Variants in SPG11 observed in about 807,000 individuals in gnomAD.
SPG11 encodes the protein SPG11 vesicle trafficking associated, spatacsin.
A neutral mutation model predicts 274.0 loss-of-function variants in SPG11; 222 were observed. The observed-to-expected ratio is 0.81, with a 90% CI of 0.73 to 0.91. The LOEUF (loss-of-function observed/expected upper bound fraction) is 0.91. Among genes scored for constraint, SPG11 ranks in the 40% least tolerant of loss-of-function variants. The probability of loss-of-function intolerance (pLI) is 0.00; values close to 1 mark genes in which losing one functional copy is unlikely to be tolerated. For missense variants in SPG11, 3,114 were observed against 2,872.7 expected (o/e 1.08, Z -1.92); for synonymous variants, 1,144 against 1,039.7 (o/e 1.10, Z -1.93).
rs754823348 is a variant in SPG11 at position 44,662,009 on chromosome 15, TCTTAC to T, written c.257+1377_257+1381del. Among the ~76,000 whole-genome samples the T allele has an allele frequency of 1.3e-3, 197 of 152,310 alleles. 1 individual carries two copies. The highest frequency in any genetic ancestry group is 3.4e-3 in the Middle Eastern group (1 of 294). On this transcript the variant is annotated intron_variant, in intron 1 of 39. Coordinates refer to ENST00000261866, the MANE Select transcript of SPG11 (RefSeq NM_025137.4). ...GAACGCCCCCTTTATTTCATCTCGG[TCTTAC>T]CTTCCCTGCTGGGTTCTCAAACACC...
intron 15 of SPG11, among the ~76,000 whole-genome samples, chr15:44,616,064 T>C (rs1250088010): frequency 6.6e-6 from 1 of 152,176 alleles, no homozygotes; most frequent in Non-Finnish European, 1.5e-5. Flanking sequence ...TATACCTGTA[T>C]ATGGAGTTTA....
chr15:44,595,382 T>A lies in SPG11; in HGVS notation c.4512A>T (p.Gly1504=), dbSNP rs539384073. ...GGTCCTCTGTTGAGTCCTGAATGTG[T>A]CCCATTGCTTCAGTTGCAACATTGT... The part of the protein sequence containing the change: ...VEDNVATEAM[G]HIQDSTEDHT... The change falls in exon 26 of 40, where the codon GGA becomes GGT. Residue 1504 remains glycine, a synonymous_variant. Transcript: ENST00000261866. 2.0e-4 allele frequency: 318 copies of A among 1,614,174 alleles called. 2 individuals are homozygous for A. In the South Asian group the frequency reaches 3.3e-3, roughly 17 times the overall value.
Position 44,620,221 on chromosome 15 carries a change from T to A in SPG11, c.2803A>T (p.Met935Leu). ...AGCTTATCTAAAATTTCATTCCTCA[T>A]GTAGTTGTTACAGGAAGTATTCTGG... ...INQNTSCNNYMRNEILDKLAR... is the reference protein window; with the variant it reads ...INQNTSCNNYLRNEILDKLAR... The change falls in exon 15 of 40, where the codon ATG (methionine) becomes TTG (leucine). Residue 935 changes from methionine (M) to leucine (L), a missense_variant. Physicochemically the swap from Met to Leu is conservative, Grantham distance 15. Coordinates refer to ENST00000261866, the MANE Select transcript of SPG11 (RefSeq NM_025137.4). 1 of 1,614,082 alleles carries A rather than the reference T, an allele frequency of 6.2e-7. No individual in the cohort carries two copies. Among genetic ancestry groups the A allele is most frequent in the Non-Finnish European group, 8.5e-7 (1 of 1,179,970 alleles).
At chr15:44,641,980 C>CA (rs1266532643) in intron 7 of SPG11, among the ~76,000 whole-genome samples, 2 of 137,792 alleles carry the variant, frequency 1.5e-5, no homozygotes, top group African/African-American at 2.7e-5. Flanking sequence ...ACATATTATA[C>CA]AGTGGGATAC....
At chr15:44,580,629 C>T (rs1486380770) in intron 30 of SPG11, among the ~76,000 whole-genome samples, 1 of 151,942 alleles carries the variant, frequency 6.6e-6, no homozygotes, top group Non-Finnish European at 1.5e-5. Context: ...ATACAAAATA[C>T]AAAATACAAA....
At chr15:44,645,638 G>A (rs2084585438) in intron 7 of SPG11, among the ~76,000 whole-genome samples, 1 of 152,030 alleles carries the variant, frequency 6.6e-6, no homozygotes, top group Non-Finnish European at 1.5e-5. Flanking sequence ...TTAAACTAAA[G>A]AGCTTCTGCA....
At chr15:44,652,596 G>A (rs1014943944) in intron 4 of SPG11, among the ~76,000 whole-genome samples, 1 of 151,894 alleles carries the variant, frequency 6.6e-6, no homozygotes, top group Non-Finnish European at 1.5e-5. Context: ...TATAGAAATG[G>A]AAACTAAGGT....
chr15:44,657,018 A>C (rs927567179), intron 4 of SPG11, 77 bp downstream of exon 4: 10 of 1,321,424 alleles, frequency 7.6e-6, no homozygotes, highest in Non-Finnish European at 1.0e-5. Flanking sequence ...TAAAAAAAAA[A>C]AACTAACGAG....
intron 7 of SPG11, among the ~76,000 whole-genome samples, chr15:44,641,586 TACACACACACACACACACACACAC>T (rs147901004): frequency 1.8e-5 from 2 of 112,484 alleles, no homozygotes; most frequent in African/African-American, 3.4e-5. Context: ...CCAAATATCT[TACACACACACACACACACACACAC>T]ACACACACAC....
chr15:44,613,538 T>C lies in SPG11; in HGVS notation c.3039-2A>G. The stretch of plus-strand genomic sequence containing the variant: ...AAGGGACAATTTTCAGGACTAAGTC[T>C]GTATATAAAACAAACAAAAACCTTC... On this transcript the variant is annotated splice_acceptor_variant, in intron 16 of 39. Coordinates refer to ENST00000261866, the MANE Select transcript of SPG11 (RefSeq NM_025137.4). LOFTEE classifies it high-confidence loss of function. The C allele has an allele frequency of 1.3e-6, 2 of 1,598,900 alleles. No individual in the cohort carries two copies. Among genetic ancestry groups the C allele is most frequent in the Non-Finnish European group, 1.7e-6 (2 of 1,166,352 alleles).
At chr15:44,615,700 A>C in intron 15 of SPG11, 134 bp from the exon 16 acceptor site, 1 of 807,006 alleles carries the variant, frequency 1.2e-6, no homozygotes, top group Admixed American at 2.2e-5. Context: ...CTTACTCTAT[A>C]TGTTCTCAGA....
chr15:44,599,093 C>A (rs556725154), intron 21 of SPG11, among the ~76,000 whole-genome samples: 1 of 152,116 alleles, frequency 6.6e-6, no homozygotes, highest in East Asian at 1.9e-4. Flanking sequence ...ATTCTTGCTT[C>A]CAACTTCATC....
chr15:44,573,269 G>A, intron 32 of SPG11: 1 of 588,346 alleles, frequency 1.7e-6, no homozygotes, highest in Non-Finnish European at 3.0e-6. Context: ...ACAGGCGTGA[G>A]CCACCGCGCC....
intron 20 of SPG11, among the ~76,000 whole-genome samples, chr15:44,602,324 T>G (rs2083213488): frequency 6.6e-6 from 1 of 152,252 alleles, no homozygotes; most frequent in African/African-American, 2.4e-5. Flanking sequence ...AACTTTTCAC[T>G]GCTGAGTATA....
chr15:44,652,420 C>T lies in SPG11; in HGVS notation c.870-154G>A, dbSNP rs76917735. Among the ~76,000 whole-genome samples the T allele has an allele frequency of 7.0e-3, 1,069 of 152,244 alleles. 14 individuals carry two copies. Among genetic ancestry groups the T allele is most frequent in the African/African-American group, 0.024 (994 of 41,524 alleles). On this transcript the variant is annotated intron_variant, in intron 4 of 39. Transcript: ENST00000261866. ...CTCCTTATCTCCCTTGCTTATGTCA[C>T]AGTAATAGAGTGAACTCTAAGAATT...
intron 35 of SPG11, among the ~76,000 whole-genome samples, chr15:44,567,885 C>T (rs1370129115): frequency 6.6e-6 from 1 of 152,094 alleles, no homozygotes; most frequent in African/African-American, 2.4e-5. Flanking sequence ...AAGAGATAAG[C>T]AGAGAAAAGT....
intron 5 of SPG11, 45 bp from the exon 6 acceptor site, chr15:44,651,984 G>C: frequency 6.3e-7 from 1 of 1,587,212 alleles, no homozygotes; most frequent in African/African-American, 1.4e-5. Context: ...CACAGTAAAA[G>C]GCACTATGTA....
rs375101567 is a variant in SPG11, at chr15:44,660,420, G to A, written c.442+12C>T. 40 of 1,610,256 alleles carry A rather than the reference G, an allele frequency of 2.5e-5. No homozygotes were observed. The highest frequency in any genetic ancestry group is 3.0e-5 in the Non-Finnish European group (35 of 1,177,422). ...ATTTAAATATGCTGAAAGACCACCT[G>A]TAGATACTTACTGATATCTTGATCG... On this transcript the variant is annotated intron_variant, in intron 2 of 39. Coordinates refer to ENST00000261866, the MANE Select transcript of SPG11 (RefSeq NM_025137.4).
chr15:44,606,945 T>G (rs2083336995), intron 19 of SPG11, among the ~76,000 whole-genome samples: 1 of 152,222 alleles, frequency 6.6e-6, no homozygotes, highest in Admixed American at 6.5e-5. Context: ...CACAGGGGCA[T>G]CTGTGACCTG....
Sources: gnomAD v4.1 joint callset for allele counts (sites outside exome capture counted in the v4.1 genomes callset) on GRCh38, gnomAD v4.1.1 for gene constraint, MANE v1.5 for transcripts, NCBI Gene and HGNC (gene_info 2026-07-23, HGNC 2026-07-21) for gene names.